Variants in LHX5 observed in about 807,000 individuals in gnomAD.
The protein encoded by LHX5 is LIM/homeobox protein Lhx5.
Under a neutral mutation model 30.6 loss-of-function variants are expected in LHX5, and 5 were observed. The ratio of observed to expected loss-of-function variants is 0.16; its 90% CI spans 0.09 to 0.34. The LOEUF (loss-of-function observed/expected upper bound fraction) is 0.34. Ranked by LOEUF, LHX5 falls within the 10% of genes least tolerant of loss-of-function variation. LHX5 has a pLI of 1.00. For missense variants in LHX5, 458 were observed against 570.6 expected, an observed-to-expected ratio of 0.80 and a Z score of 2.01; for synonymous variants, 266 against 252.6, an observed-to-expected ratio of 1.05 and a Z score of -0.50.
Position 113,463,561 on chromosome 12 carries a change from C to G in LHX5, c.842-4G>C. The stretch of plus-strand genomic sequence containing the variant: ...GCGTAGTAGTCGCCTTGGTAGTCTG[C>G]GGAGGGGGAGCGGGAAGGAGACAGG... On this transcript the variant is annotated splice_region_variant and splice_polypyrimidine_tract_variant and intron_variant, in intron 4 of 4. Coordinates refer to ENST00000261731, the MANE Select transcript of LHX5 (RefSeq NM_022363.3). This position sits in a 1 kb window ranked among gnomAD's most constrained non-coding sequence, Gnocchi z 6.7. 6.6e-7 allele frequency: 1 copy of G among 1,523,400 alleles called. No individual in the cohort carries two copies. The highest frequency in any genetic ancestry group is 8.8e-7 in the Non-Finnish European group (1 of 1,142,742). The allele number at this position is 1,523,400 out of a possible 1,614,324, so 94.4% of individuals were successfully genotyped here. A position where few individuals can be genotyped will look rare whatever the true frequency, so the allele number is the denominator to read the frequency against.
intron 1 of LHX5, among the ~76,000 whole-genome samples, chr12:113,471,031 A>AG (rs1958246862): frequency 6.6e-6 from 1 of 152,190 alleles, no homozygotes; most frequent in Non-Finnish European, 1.5e-5. Context: ...GCTGCTTGGA[A>AG]GGGGCGGAGA....
rs1958179913 is a variant in LHX5 at position 113,462,535 on chromosome 12, A to C, written c.*655T>G. The C allele has an allele frequency of 6.6e-6, 1 of 151,504 alleles. No homozygotes were observed. The highest frequency in any genetic ancestry group is 2.4e-5 in the African/African-American group (1 of 41,194). 9.4% of individuals were successfully genotyped at this position (151,504 alleles called of 1,614,324 possible). Reference sequence around the variant, plus strand: ...CCTAGAGAAGCTGACCTTGAGCCTCAAGATTGGCCACCAGGGAGCGCCAGC... The same window carrying C: ...CCTAGAGAAGCTGACCTTGAGCCTCCAGATTGGCCACCAGGGAGCGCCAGC... On this transcript the variant is annotated 3_prime_UTR_variant, in exon 5 of 5. Coordinates refer to ENST00000261731, the MANE Select transcript of LHX5 (RefSeq NM_022363.3).
Position 113,463,076 on chromosome 12 carries a change from A to C in LHX5, c.*114T>G. 2.2e-6 allele frequency: 2 copies of C among 910,654 alleles called. No homozygotes were observed. Among genetic ancestry groups the C allele is most frequent in the Non-Finnish European group, 1.5e-6 (1 of 645,976 alleles). The allele number at this position is 910,654 out of a possible 1,614,324, so 56.4% of individuals were successfully genotyped here. A position where few individuals can be genotyped will look rare whatever the true frequency, so the allele number is the denominator to read the frequency against. On this transcript the variant is annotated 3_prime_UTR_variant, in exon 5 of 5. Transcript: ENST00000261731. This position sits in a 1 kb window ranked among gnomAD's most constrained non-coding sequence, Gnocchi z 6.7. ...CAGTTGAGTGCGGACCCGAGAGAGA[A>C]CCCCCGAGGGACACCCACGTCTCCC...
At position 113,466,783 on chromosome 12, in the gene LHX5, C is replaced by T. The variant is rs142329465; in HGVS notation, c.841+473G>A. Among the ~76,000 whole-genome samples, 1,200 of 152,256 alleles carry T rather than the reference C, an allele frequency of 7.9e-3. 23 individuals are homozygous for T. Among genetic ancestry groups the T allele is most frequent in the African/African-American group, 0.028 (1,151 of 41,546 alleles). ...GGAATCCACCTCATGCCAAGTACAC[C>T]AGGCACAGGGCGGCAGGAAGGCTGT... On this transcript the variant is annotated intron_variant, in intron 4 of 4. Coordinates refer to ENST00000261731, the MANE Select transcript of LHX5 (RefSeq NM_022363.3). The surrounding 1 kb of genome is among the most constrained non-coding windows in gnomAD (Gnocchi z 6.5).
rs965574041 is a variant in LHX5 at position 113,471,502 on chromosome 12, C to T, written c.-4G>A. The T allele has an allele frequency of 2.5e-6, 4 of 1,587,616 alleles. No individual in the cohort carries two copies. In the African/African-American group the frequency reaches 5.4e-5, roughly 21 times the overall value. On this transcript the variant is annotated 5_prime_UTR_variant, in exon 1 of 5. Transcript: ENST00000261731. ...AACCGGCGCAGTGCACCATCATAGC[C>T]CCGCGCCCCGGCGGCTTCGGCCGCC...
In LHX5 at chr12:113,471,608, G is replaced by T; in HGVS notation, c.-110C>A. On this transcript the variant is annotated 5_prime_UTR_variant, in exon 1 of 5. Transcript: ENST00000261731. ...CGCCTCTTGTCTCAGCAGCTGCAGG[G>T]CGAGTCTGGTCCGGACCAAGACTCA... The T allele has an allele frequency of 9.3e-7, 1 of 1,080,364 alleles. No homozygotes were observed. Among genetic ancestry groups the T allele is most frequent in the Non-Finnish European group, 1.3e-6 (1 of 762,616 alleles). The allele number at this position is 1,080,364 out of a possible 1,614,324, so 66.9% of individuals were successfully genotyped here. A position where few individuals can be genotyped will look rare whatever the true frequency, so the allele number is the denominator to read the frequency against.
In LHX5 at chr12:113,468,353, T is replaced by G. The variant is rs536366049; in HGVS notation, c.449A>C (p.Gln150Pro). ...SLSPDLQDAL[Q>P]DDPKETDNST... ...GTTGTCCGTCTCTTTGGGGTCGTCC[T>G]GCAGTGCGTCCTGGAGGTCCGGGGA... Residue 150 changes from glutamine to proline, a missense_variant, in exon 3 of 5, where the codon CAG becomes CCG. Physicochemically the swap from Gln to Pro is moderately conservative, Grantham distance 76 (BLOSUM62 -1). Transcript: ENST00000261731. 6.2e-7 allele frequency: 1 copy of G among 1,614,116 alleles called. No individual in the cohort carries two copies. Among genetic ancestry groups the G allele is most frequent in the African/African-American group, 1.3e-5 (1 of 75,070 alleles).
intron 1 of LHX5, among the ~76,000 whole-genome samples, chr12:113,470,250 C>T (rs141905628): frequency 6.6e-6 from 1 of 152,200 alleles, no homozygotes; most frequent in African/African-American, 2.4e-5. Context: ...GACCCCACAT[C>T]TACTCACACC....
At position 113,464,535 on chromosome 12, in the gene LHX5, G is replaced by GGCATAGCCTA. The variant is rs771539590; in HGVS notation, c.842-979_842-978insTAGGCTATGC. Among the ~76,000 whole-genome samples the GGCATAGCCTA allele has an allele frequency of 6.6e-6, 1 of 152,182 alleles. No homozygotes were observed. The highest frequency in any genetic ancestry group is 1.5e-5 in the Non-Finnish European group (1 of 68,022). ...CGATCCCGGTGAGACCATTTGTACCGGCCTAGCCTAGCCTGAGAAAGAGAA... is the reference window on the plus strand; with the variant it reads ...CGATCCCGGTGAGACCATTTGTACCGGCATAGCCTAGCCTAGCCTAGCCTGAGAAAGAGAA... On this transcript the variant is annotated intron_variant, in intron 4 of 4. Coordinates refer to ENST00000261731, the MANE Select transcript of LHX5 (RefSeq NM_022363.3). The surrounding 1 kb of genome is among the most constrained non-coding windows in gnomAD (Gnocchi z 6.2).
At chr12:113,471,272 A>C in intron 1 of LHX5, 54 bp downstream of exon 1, 1 of 1,590,434 alleles carries the variant, frequency 6.3e-7, no homozygotes, top group Non-Finnish European at 8.6e-7. Flanking sequence ...CCAGCGCCCC[A>C]GTGGAGCGCG....
Position 113,465,713 on chromosome 12 carries a change from A to T in LHX5, c.841+1543T>A, listed in dbSNP as rs1958210809. 6.6e-6 allele frequency among the ~76,000 whole-genome samples: 1 copy of T among 152,174 alleles called. No homozygotes were observed. Among genetic ancestry groups the T allele is most frequent in the Non-Finnish European group, 1.5e-5 (1 of 68,016 alleles). ...CTTGGTTAATTATCCAGGCGGGGAA[A>T]AATTCCGGGCCGGTACCGCCCCCAC... On this transcript the variant is annotated intron_variant, in intron 4 of 4. Coordinates refer to ENST00000261731, the MANE Select transcript of LHX5 (RefSeq NM_022363.3). The surrounding 1 kb of genome is among the most constrained non-coding windows in gnomAD (Gnocchi z 6.7).
In LHX5 at chr12:113,463,531, C is replaced by G; in HGVS notation, c.868G>C (p.Gly290Arg). Residue 290 changes from glycine (G) to arginine (R), a missense_variant, in exon 5 of 5, where the codon GGA (glycine) becomes CGA (arginine). By Grantham distance (125) the Gly-to-Arg change is moderately radical. Around this residue, in one of 3 missense-constraint regions of LHX5, gnomAD observed 255 missense variants for 246.8 expected, o/e 1.03. Coordinates refer to ENST00000261731, the MANE Select transcript of LHX5 (RefSeq NM_022363.3). The surrounding 1 kb of genome is among the most constrained non-coding windows in gnomAD (Gnocchi z 6.7). ...TGCGCGAAGAAGTCGTAGTTGCTTC[C>G]CGGCGCGTAGTAGTCGCCTTGGTAG... Reference protein sequence around the residue: ...GDYQGDYYAPGSNYDFFAHGP... With the variant: ...GDYQGDYYAPRSNYDFFAHGP... 6.4e-7 allele frequency: 1 copy of G among 1,556,156 alleles called. No homozygotes were observed. The highest frequency in any genetic ancestry group is 8.6e-7 in the Non-Finnish European group (1 of 1,159,096).
intron 2 of LHX5, among the ~76,000 whole-genome samples, 163 bp from the exon 3 acceptor site, chr12:113,468,567 C>A (rs1458246383): frequency 6.6e-6 from 1 of 152,164 alleles, no homozygotes; most frequent in Non-Finnish European, 1.5e-5. Flanking sequence ...CCCCCAGGGA[C>A]CCGGTGCCCG....
chr12:113,464,841 T>A lies in LHX5; in HGVS notation c.842-1284A>T, dbSNP rs184577930. 6.6e-6 allele frequency among the ~76,000 whole-genome samples: 1 copy of A among 152,270 alleles called. No individual in the cohort carries two copies. The highest frequency in any genetic ancestry group is 1.9e-4 in the East Asian group (1 of 5,176). On this transcript the variant is annotated intron_variant, in intron 4 of 4. Coordinates refer to ENST00000261731, the MANE Select transcript of LHX5 (RefSeq NM_022363.3). The surrounding 1 kb of genome is among the most constrained non-coding windows in gnomAD (Gnocchi z 6.2). ...CTCCGGATTGCAAACCCATTCTGCC[T>A]CAACAAATCTGTATCAACTCTCTGA...
intron 1 of LHX5, among the ~76,000 whole-genome samples, chr12:113,469,810 C>T (rs1004517668): frequency 3.3e-5 from 5 of 152,236 alleles, no homozygotes; most frequent in African/African-American, 1.2e-4. Context: ...ATCTGCCTGG[C>T]TGGCTGAGCC....
chr12:113,467,482 C>T lies in LHX5; in HGVS notation c.676-61G>A. The stretch of plus-strand genomic sequence containing the variant: ...GGAGTGTCCTCTCCCCCCCTCTTCT[C>T]CCTTCCCTGACTGGGCTGCCCCTGC... On this transcript the variant is annotated intron_variant, in intron 3 of 4. Transcript: ENST00000261731. The surrounding 1 kb of genome is among the most constrained non-coding windows in gnomAD (Gnocchi z 6.3). 2 of 1,354,260 alleles carry T rather than the reference C, an allele frequency of 1.5e-6. No homozygotes were observed. The highest frequency in any genetic ancestry group is 1.5e-5 in the African/African-American group (1 of 66,982). The allele number at this position is 1,354,260 out of a possible 1,614,324, so 83.9% of individuals were successfully genotyped here.
chr12:113,469,101 T>A (rs767687258), intron 2 of LHX5, 21 bp downstream of exon 2: 4 of 1,586,230 alleles, frequency 2.5e-6, no homozygotes, highest in Middle Eastern at 1.7e-4. Context: ...CTAAGGCTAG[T>A]GAGGGGCCCA....
In LHX5 at chr12:113,464,643, G is replaced by C. The variant is rs1958201304; in HGVS notation, c.842-1086C>G. On this transcript the variant is annotated intron_variant, in intron 4 of 4. Coordinates refer to ENST00000261731, the MANE Select transcript of LHX5 (RefSeq NM_022363.3). The surrounding 1 kb of genome is among the most constrained non-coding windows in gnomAD (Gnocchi z 6.2). ...TGGCCAGAGCTCCGCGGGCTCCTTG[G>C]GGTAGAAGCTCGGTCCTCCAGCCTT... Among the ~76,000 whole-genome samples the C allele has an allele frequency of 6.6e-6, 1 of 152,192 alleles. No individual in the cohort carries two copies.
rs947925555 is a variant in LHX5 at position 113,462,388 on chromosome 12, G to A, written c.*802C>T. 1 of 152,228 alleles carries A rather than the reference G, an allele frequency of 6.6e-6. No individual in the cohort carries two copies. The allele number at this position is 152,228 out of a possible 1,614,324, so 9.4% of individuals were successfully genotyped here. The stretch of plus-strand genomic sequence containing the variant: ...CCAGCAATCCTGGCGCCCCACCCAG[G>A]GGGAGAGCAGGATGTGTGCGTGTTC... On this transcript the variant is annotated 3_prime_UTR_variant, in exon 5 of 5. Coordinates refer to ENST00000261731, the MANE Select transcript of LHX5 (RefSeq NM_022363.3).
Sources: allele counts gnomAD v4.1 joint callset (sites outside exome capture counted in the v4.1 genomes callset), GRCh38; gene constraint gnomAD v4.1.1; regional missense constraint gnomAD v4.1.1; non-coding constraint Gnocchi (gnomAD v3.1); transcripts MANE v1.5; gene names NCBI Gene and HGNC (gene_info 2026-07-23, HGNC 2026-07-21).